The following GRID2 variants were observed in gnomAD, a reference collection of about 807,000 sequenced individuals.
GRID2 encodes glutamate receptor ionotropic, delta-2.
In GRID2, 33 loss-of-function variants were observed where a neutral mutation model predicts 114.8. The observed-to-expected ratio is 0.29, with a 90% confidence interval of 0.22 to 0.38. GRID2 has a LOEUF of 0.38. GRID2 is among the 10% of genes least tolerant of loss of function. GRID2 has a pLI of 1.00. For missense variants in GRID2, 1,184 were observed against 1,257.7 expected (o/e 0.94, Z 0.89); for synonymous variants, 505 against 449.9 (o/e 1.12, Z -1.55).
At chr4:92,882,747 T>A (rs1746115614) in intron 2 of GRID2, among the ~76,000 whole-genome samples, 1 of 152,186 alleles carries the variant, frequency 6.6e-6, no homozygotes, top group Non-Finnish European at 1.5e-5. Context: ...AAAAGTTGTG[T>A]TTAAAGTATA....
chr4:92,779,074 A>T (rs1738940777), intron 2 of GRID2, among the ~76,000 whole-genome samples: 1 of 152,080 alleles, frequency 6.6e-6, no homozygotes, highest in African/African-American at 2.4e-5. Flanking sequence ...AAAAATTAAA[A>T]TTATCACCTA....
chr4:92,974,731 T>A (rs187151382), intron 2 of GRID2, among the ~76,000 whole-genome samples: 1 of 152,132 alleles, frequency 6.6e-6, no homozygotes, highest in Admixed American at 6.5e-5. Flanking sequence ...AAATACCTAA[T>A]GCAGGTGATG....
At chr4:92,535,702 T>G (rs1725584763) in intron 1 of GRID2, among the ~76,000 whole-genome samples, 1 of 152,174 alleles carries the variant, frequency 6.6e-6, no homozygotes. Context: ...CCTAGAAATC[T>G]ATTGTGTCTG....
chr4:92,661,128 A>T (rs1732491871), intron 2 of GRID2, among the ~76,000 whole-genome samples: 2 of 150,870 alleles, frequency 1.3e-5, no homozygotes, highest in South Asian at 4.2e-4. Context: ...ATTGCTAACA[A>T]CACAAGCAGA....
chr4:93,490,801 G>A (rs1346516648), intron 12 of GRID2, 24 bp downstream of exon 12: 1 of 1,555,188 alleles, frequency 6.4e-7, no homozygotes, highest in Admixed American at 1.7e-5. Context: ...GTTTCCATTA[G>A]CCACAAAATA....
chr4:92,316,958 T>C (rs1726017941), intron 1 of GRID2, among the ~76,000 whole-genome samples: 2 of 152,180 alleles, frequency 1.3e-5, no homozygotes, highest in South Asian at 4.1e-4. Flanking sequence ...TTTAATTCTT[T>C]TATTTTTTAA....
chr4:92,510,492 G>A (rs377706105), intron 1 of GRID2, among the ~76,000 whole-genome samples: 12 of 151,730 alleles, frequency 7.9e-5, no homozygotes, highest in East Asian at 2.0e-4. Context: ...TTTTCAAGTC[G>A]AAAGACTGGG....
At chr4:92,862,270 A>G (rs1021170119) in intron 2 of GRID2, among the ~76,000 whole-genome samples, 3 of 152,084 alleles carry the variant, frequency 2.0e-5, no homozygotes, top group African/African-American at 7.2e-5. Context: ...CCCCCAAATC[A>G]AGGATGTTTT....
intron 2 of GRID2, chr4:92,884,934 C>CAA: frequency 6.0e-6 from 2 of 331,268 alleles, no homozygotes; most frequent in Non-Finnish European, 1.2e-5. Flanking sequence ...TTTGGTCTCC[C>CAA]CAAAAAAAAA....
intron 8 of GRID2, among the ~76,000 whole-genome samples, chr4:93,309,458 C>T (rs146361484): frequency 3.3e-5 from 5 of 150,606 alleles, no homozygotes; most frequent in African/African-American, 5.0e-5. Context: ...TGCTTGAACC[C>T]GAGAGGTAGA....
In GRID2 at chr4:92,618,429, A is replaced by C. The variant is rs75768017; in HGVS notation, c.244+28143A>C. The stretch of plus-strand genomic sequence containing the variant: ...TACTACAGCTTTGTAGCACATTTTG[A>C]AGTTTGATAGTGTGACACCTTCAGC... On this transcript the variant is annotated intron_variant, in intron 2 of 15. Transcript: ENST00000282020. 8.5e-3 allele frequency among the ~76,000 whole-genome samples: 1,289 copies of C among 151,856 alleles called. 16 individuals are homozygous for C. Among genetic ancestry groups the C allele is most frequent in the East Asian group, 0.065 (331 of 5,126 alleles).
intron 8 of GRID2, chr4:93,258,863 A>T (rs966505514): frequency 1.1e-5 from 5 of 452,828 alleles, no homozygotes; most frequent in African/African-American, 2.0e-5. Flanking sequence ...CTACTGCAAG[A>T]TTCATTTATT....
chr4:92,820,606 A>C (rs1287552101), intron 2 of GRID2, among the ~76,000 whole-genome samples: 1 of 152,144 alleles, frequency 6.6e-6, no homozygotes, highest in Admixed American at 6.6e-5. Context: ...TTTAGCTTAG[A>C]GAATGTCAGA....
intron 2 of GRID2, among the ~76,000 whole-genome samples, chr4:92,974,233 TTGG>T (rs1248082619): frequency 2.6e-5 from 4 of 152,178 alleles, no homozygotes; most frequent in Admixed American, 1.3e-4. Context: ...TTTTACACTG[TTGG>T]TGGGAGTGTA....
chr4:93,693,940 A>C (rs1241768777), intron 14 of GRID2, among the ~76,000 whole-genome samples: 2 of 152,194 alleles, frequency 1.3e-5, no homozygotes, highest in Non-Finnish European at 2.9e-5. Context: ...AATATAAATC[A>C]AGACAGGAAA....
At chr4:93,214,824 A>G (rs1392934547) in intron 5 of GRID2, among the ~76,000 whole-genome samples, 1 of 152,044 alleles carries the variant, frequency 6.6e-6, no homozygotes, top group East Asian at 1.9e-4. Flanking sequence ...CAGGAAATTA[A>G]ATGCTGAAAT....
At chr4:92,600,044 G>GTGTGTATATATATA (rs1206780169) in intron 2 of GRID2, among the ~76,000 whole-genome samples, 1 of 54,430 alleles carries the variant, frequency 1.8e-5, no homozygotes. Context: ...GTGTGTGTGT[G>GTGTGTATATATATA]TATATATATA....
chr4:92,922,619 C>T (rs1340683768), intron 2 of GRID2, among the ~76,000 whole-genome samples: 3 of 152,156 alleles, frequency 2.0e-5, no homozygotes, highest in Admixed American at 6.6e-5. Flanking sequence ...AGAAGAAACT[C>T]ACTATGTAAT....
intron 2 of GRID2, among the ~76,000 whole-genome samples, chr4:92,595,505 G>A (rs1432752383): frequency 1.3e-5 from 2 of 151,662 alleles, no homozygotes; most frequent in African/African-American, 2.4e-5. Flanking sequence ...TAGACCTTAC[G>A]ACTACTTCTT....
Sources: gnomAD v4.1 joint callset for allele counts (sites outside exome capture counted in the v4.1 genomes callset) on GRCh38, gnomAD v4.1.1 for gene constraint, MANE v1.5 for transcripts, NCBI Gene and HGNC (gene_info 2026-07-23, HGNC 2026-07-21) for gene names.